The following ROBO1 variants were observed in gnomAD, a reference collection of about 807,000 sequenced individuals.
ROBO1 encodes roundabout homolog 1.
ROBO1 carries 149 observed loss-of-function variants against 195.9 expected under a neutral mutation model. That is an observed-to-expected ratio of 0.76 (90% CI 0.67 to 0.87). ROBO1 has a LOEUF of 0.87. ROBO1 is among the 40% of genes least tolerant of loss of function. The pLI is 0.00. For missense variants in ROBO1, 1,933 were observed against 2,068.3 expected (o/e 0.93, Z 1.27); for synonymous variants, 816 against 733.2 (o/e 1.11, Z -1.82).
chr3:79,205,031 C>T (rs1487364217), intron 2 of ROBO1, among the ~76,000 whole-genome samples: 4 of 151,940 alleles, frequency 2.6e-5, no homozygotes, highest in African/African-American at 4.8e-5. Context: ...CTCACTCTGT[C>T]GCCTAGGCTG....
At chr3:79,160,817 A>C (rs895001601) in intron 2 of ROBO1, among the ~76,000 whole-genome samples, 1 of 152,032 alleles carries the variant, frequency 6.6e-6, no homozygotes, top group Non-Finnish European at 1.5e-5. Context: ...GTAACAACAA[A>C]ATTTCTAAAC....
At chr3:79,492,952 A>G (rs1282039484) in intron 2 of ROBO1, among the ~76,000 whole-genome samples, 1 of 152,138 alleles carries the variant, frequency 6.6e-6, no homozygotes, top group Admixed American at 6.5e-5. Context: ...TGAGAGCACA[A>G]GTCAACACTG....
rs190072890 is a variant in ROBO1 at position 79,537,457 on chromosome 3, T to A, written c.88+52367A>T. ...ACTATGGGACAAAGATTCTATGGAA[T>A]TTCTCTATAAACTTTTACTCCCCAT... On this transcript the variant is annotated intron_variant, in intron 2 of 30. Coordinates refer to ENST00000464233, the MANE Select transcript of ROBO1 (RefSeq NM_002941.4). Among the ~76,000 whole-genome samples, 3 of 152,228 alleles carry A rather than the reference T, an allele frequency of 2.0e-5. No homozygotes were observed. In the East Asian group the frequency reaches 5.8e-4, roughly 29 times the overall value.
chr3:79,018,437 A>G (rs1283551802), intron 3 of ROBO1: 4 of 1,613,916 alleles, frequency 2.5e-6, no homozygotes, highest in Non-Finnish European at 3.4e-6. Flanking sequence ...CCAAACAGGT[A>G]AAAGTGAGCG....
chr3:79,689,091 A>G (rs1296120551), intron 1 of ROBO1, among the ~76,000 whole-genome samples: 2 of 151,948 alleles, frequency 1.3e-5, no homozygotes, highest in Non-Finnish European at 2.9e-5. Flanking sequence ...ATATATAGTC[A>G]TCGAAAAATT....
At chr3:79,195,944 T>G (rs1179147714) in intron 2 of ROBO1, among the ~76,000 whole-genome samples, 1 of 151,612 alleles carries the variant, frequency 6.6e-6, no homozygotes. Flanking sequence ...TCTAGAATAT[T>G]AAACAGGTTG....
intron 24 of ROBO1, among the ~76,000 whole-genome samples, chr3:78,633,188 T>C (rs572075819): frequency 6.6e-6 from 1 of 152,314 alleles, no homozygotes; most frequent in African/African-American, 2.4e-5. Context: ...TGGAGAAACA[T>C]TGCTAGAGTC....
rs936426025 is a variant in ROBO1, at chr3:79,713,952, T to C, written c.-51+53800A>G. Among the ~76,000 whole-genome samples, 70 of 152,136 alleles carry C rather than the reference T, an allele frequency of 4.6e-4. 1 individual carries two copies. The highest frequency in any genetic ancestry group is 2.1e-4 in the South Asian group (1 of 4,832). On this transcript the variant is annotated intron_variant, in intron 1 of 30. Coordinates refer to ENST00000464233, the MANE Select transcript of ROBO1 (RefSeq NM_002941.4). ...GGCTCTGTTCTGTTCCATTGGTCTA[T>C]ATCTCTGTTTTGTTACCAGTACCAT...
At chr3:79,389,538 A>G (rs1165391800) in intron 2 of ROBO1, among the ~76,000 whole-genome samples, 1 of 152,160 alleles carries the variant, frequency 6.6e-6, no homozygotes, top group Non-Finnish European at 1.5e-5. Context: ...AACTAATCTG[A>G]TTTGTAATAA....
At chr3:79,059,947 C>T (rs1490249745) in intron 3 of ROBO1, among the ~76,000 whole-genome samples, 1 of 151,944 alleles carries the variant, frequency 6.6e-6, no homozygotes, top group African/African-American at 2.4e-5. Flanking sequence ...CCGAGCTGGG[C>T]AGAACAGAGT....
intron 4 of ROBO1, among the ~76,000 whole-genome samples, chr3:78,755,361 C>T (rs749810299): frequency 9.2e-5 from 14 of 152,066 alleles, no homozygotes; most frequent in Non-Finnish European, 2.1e-4. Context: ...GTGGTTCTGG[C>T]TAGTGGGGAG....
chr3:78,877,666 C>G (rs530656095), intron 4 of ROBO1, among the ~76,000 whole-genome samples: 1 of 152,140 alleles, frequency 6.6e-6, no homozygotes, highest in Non-Finnish European at 1.5e-5. Flanking sequence ...ATCTCTCAGA[C>G]CATTCCTAAA....
chr3:79,293,699 A>C (rs1324291824), intron 2 of ROBO1, among the ~76,000 whole-genome samples: 2 of 152,140 alleles, frequency 1.3e-5, no homozygotes, highest in African/African-American at 2.4e-5. Context: ...CATACTGCCC[A>C]AAGTAATTTA....
At chr3:78,646,608 G>GAAAAAA (rs35671439) in intron 20 of ROBO1, among the ~76,000 whole-genome samples, 4 of 146,194 alleles carry the variant, frequency 2.7e-5, no homozygotes, top group South Asian at 2.1e-4. Flanking sequence ...TTAAACTCAG[G>GAAAAAA]AAAAAAAAAA....
chr3:79,336,683 A>ACCCATTACTGGG (rs1442984815), intron 2 of ROBO1, among the ~76,000 whole-genome samples: 1 of 152,202 alleles, frequency 6.6e-6, no homozygotes, highest in Non-Finnish European at 1.5e-5. Context: ...CTGGGCCATT[A>ACCCATTACTGGG]CCTAGTGGAG....
At chr3:79,136,821 T>C (rs561230499) in intron 2 of ROBO1, among the ~76,000 whole-genome samples, 2 of 152,112 alleles carry the variant, frequency 1.3e-5, no homozygotes, top group Non-Finnish European at 2.9e-5. Flanking sequence ...AGTTATGTTA[T>C]AGAGATTGAG....
chr3:79,061,993 G>C (rs907981170), intron 3 of ROBO1, among the ~76,000 whole-genome samples: 1 of 152,028 alleles, frequency 6.6e-6, no homozygotes, highest in East Asian at 1.9e-4. Flanking sequence ...AGCCAAAATA[G>C]ACAAATGGGA....
intron 28 of ROBO1, 103 bp downstream of exon 28, chr3:78,614,545 T>C: frequency 7.9e-7 from 1 of 1,268,850 alleles, no homozygotes; most frequent in Non-Finnish European, 1.1e-6. Context: ...TTAATAAATT[T>C]TTAATGTAAT....
chr3:78,606,645 C>T, intron 29 of ROBO1, 88 bp downstream of exon 29: 1 of 1,339,088 alleles, frequency 7.5e-7, no homozygotes, highest in East Asian at 2.3e-5. Context: ...TTAATCTTAC[C>T]ACTTTTTACA....
Sources: gnomAD v4.1 joint callset for allele counts (sites outside exome capture counted in the v4.1 genomes callset) on GRCh38, gnomAD v4.1.1 for gene constraint, MANE v1.5 for transcripts, NCBI Gene and HGNC (gene_info 2026-07-23, HGNC 2026-07-21) for gene names.